Variants in CCDC73 observed in about 807,000 individuals in gnomAD.
The protein encoded by CCDC73 is coiled-coil domain containing 73, also known as coiled-coil domain-containing protein 73.
In CCDC73, 95 loss-of-function variants were observed where a neutral mutation model predicts 116.5. The observed-to-expected ratio is 0.82, with a 90% CI of 0.69 to 0.97. The LOEUF is 0.97. Among genes scored for constraint, CCDC73 ranks in the 50% least tolerant of loss-of-function variants. The pLI, the probability that CCDC73 is intolerant of heterozygous loss-of-function variation, is 0.00. For synonymous variants in CCDC73, 398 were observed against 401.3 expected (o/e 0.99, Z 0.10); for missense variants, 1,066 against 1,206.8 (o/e 0.88, Z 1.73).
Position 32,667,042 on chromosome 11 carries a change from G to A in CCDC73, c.645+8523C>T, listed in dbSNP as rs566824899. On this transcript the variant is annotated intron_variant, in intron 9 of 17. Coordinates refer to ENST00000335185, the MANE Select transcript of CCDC73 (RefSeq NM_001008391.4). ...GAAGCTTCGTCTCAGAGGGGCACAC[G>A]GTCGGCCGTGTGAGGTGTCAGTCTG... Among the ~76,000 whole-genome samples the A allele has an allele frequency of 3.9e-5, 6 of 152,266 alleles. No individual in the cohort carries two copies. The South Asian group carries it at 6.2e-4, about 16-fold the overall frequency.
rs201454870 is a variant in CCDC73, at chr11:32,678,020, T to C, written c.430-1999A>G. On this transcript the variant is annotated intron_variant, in intron 7 of 17. Transcript: ENST00000335185. Reference sequence around the variant, plus strand: ...CAGGCCGAGCACAGTGGCTCAGGCCTGTAATCCCAGCACTTTGGGAGGTGG... The same window carrying C: ...CAGGCCGAGCACAGTGGCTCAGGCCCGTAATCCCAGCACTTTGGGAGGTGG... Among the ~76,000 whole-genome samples the C allele has an allele frequency of 2.0e-5, 3 of 147,124 alleles. No individual in the cohort carries two copies. In the East Asian group the frequency reaches 6.0e-4, roughly 30 times the overall value.
intron 5 of CCDC73, among the ~76,000 whole-genome samples, 186 bp downstream of exon 5, chr11:32,700,605 T>A (rs1460097800): frequency 6.6e-6 from 1 of 152,188 alleles, no homozygotes; most frequent in Non-Finnish European, 1.5e-5. Flanking sequence ...GGAAGTGAAG[T>A]AACATGATTA....
intron 3 of CCDC73, 130 bp downstream of exon 3, chr11:32,717,946 C>T: frequency 1.7e-6 from 1 of 603,382 alleles, no homozygotes; most frequent in South Asian, 2.2e-5. Context: ...ATCAGGAGAA[C>T]AGCATGGGGA....
chr11:32,646,685 A>G (rs761877826), intron 12 of CCDC73, among the ~76,000 whole-genome samples: 1 of 152,198 alleles, frequency 6.6e-6, no homozygotes, highest in Non-Finnish European at 1.5e-5. Flanking sequence ...TCATAATGAT[A>G]TGCATTGGTA....
chr11:32,635,572 G>C, intron 14 of CCDC73, 124 bp downstream of exon 14: 1 of 839,802 alleles, frequency 1.2e-6, no homozygotes, highest in Non-Finnish European at 1.5e-6. Context: ...ATGTATTAGA[G>C]ACCATATGCA....
intron 2 of CCDC73, among the ~76,000 whole-genome samples, chr11:32,721,077 T>A (rs928151001): frequency 2.0e-5 from 3 of 152,186 alleles, no homozygotes; most frequent in African/African-American, 7.2e-5. Context: ...CAGCCTGGAG[T>A]GCAGTGGTGC....
At chr11:32,813,180 T>C in the CCDC73 span, among the ~76,000 whole-genome samples, 1 of 152,210 alleles carries the variant, frequency 6.6e-6, no homozygotes, top group Non-Finnish European at 1.5e-5. Context: ...AGTTTGTCCT[T>C]TGCTGAAAAA....
Position 32,602,984 on chromosome 11 carries a change from T to A in CCDC73, c.3067A>T (p.Ser1023Cys). ...GTCGTCTTGATTGCCTGCAAATGGC[T>A]TTGTAGTGGAGTTGATATCAGAGGC... is the stretch of plus-strand genomic sequence containing the variant. ...TKPLISTPLQ[S>C]HLQAIKTTKN... Residue 1023 changes from serine (S) to cysteine (C), a missense_variant, in exon 18 of 18, where the codon AGC becomes TGC. Coordinates refer to ENST00000335185, the MANE Select transcript of CCDC73 (RefSeq NM_001008391.4). 1.9e-6 allele frequency: 3 copies of A among 1,612,344 alleles called. No individual in the cohort carries two copies. The highest frequency in any genetic ancestry group is 2.5e-6 in the Non-Finnish European group (3 of 1,179,538).
the CCDC73 span, among the ~76,000 whole-genome samples, chr11:32,806,413 C>T: frequency 6.6e-6 from 1 of 151,728 alleles, no homozygotes; most frequent in Non-Finnish European, 1.5e-5. Flanking sequence ...CCCTTGAGCC[C>T]AGGAGTTCAA....
chr11:32,767,825 G>T (rs1173363438), intron 1 of CCDC73, among the ~76,000 whole-genome samples: 7 of 152,206 alleles, frequency 4.6e-5, no homozygotes, highest in Non-Finnish European at 1.0e-4. Context: ...GGAAACAACA[G>T]ATGCTGGAGA....
At position 32,654,071 on chromosome 11, in the gene CCDC73, T is replaced by A. The variant is rs748808718; in HGVS notation, c.775-34A>T. 4.5e-6 allele frequency: 7 copies of A among 1,551,084 alleles called. No individual in the cohort carries two copies. The Admixed American group carries it at 1.3e-4, about 29-fold the overall frequency. On this transcript the variant is annotated intron_variant, in intron 10 of 17. Transcript: ENST00000335185. ...TTTGAATAGTTTTAAAGTTATGATA[T>A]AAAATTCAGCAAATTCTACATTCAA...
At chr11:32,770,286 C>A (rs1194679022) in intron 1 of CCDC73, among the ~76,000 whole-genome samples, 1 of 152,042 alleles carries the variant, frequency 6.6e-6, no homozygotes, top group Non-Finnish European at 1.5e-5. Flanking sequence ...CCTCTTGAAG[C>A]CTACACTGTA....
At chr11:32,781,951 T>C (rs763417381) in intron 1 of CCDC73, among the ~76,000 whole-genome samples, 21 of 152,148 alleles carry the variant, frequency 1.4e-4, no homozygotes, top group Non-Finnish European at 2.9e-4. Context: ...TGAAGCTTCA[T>C]CTGTATTTAC....
At chr11:32,767,564 T>C (rs1299921731) in intron 1 of CCDC73, among the ~76,000 whole-genome samples, 1 of 152,084 alleles carries the variant, frequency 6.6e-6, no homozygotes, top group Non-Finnish European at 1.5e-5. Flanking sequence ...ATTTTTGCAA[T>C]CTACTCATCT....
chr11:32,621,963 C>G (rs990399452), intron 14 of CCDC73, among the ~76,000 whole-genome samples: 5 of 152,138 alleles, frequency 3.3e-5, no homozygotes, highest in African/African-American at 1.2e-4. Context: ...AATGAGAATA[C>G]CATCTCACGC....
the CCDC73 span, among the ~76,000 whole-genome samples, chr11:32,807,315 G>A: frequency 6.6e-6 from 1 of 152,012 alleles, no homozygotes; most frequent in Non-Finnish European, 1.5e-5. Flanking sequence ...TCACTCTTTC[G>A]GCCTGCACCA....
chr11:32,634,801 A>T (rs1855663594), intron 14 of CCDC73, among the ~76,000 whole-genome samples: 1 of 152,204 alleles, frequency 6.6e-6, no homozygotes. Flanking sequence ...AACTTAATTT[A>T]AAAATGAGGT....
At chr11:32,714,971 A>G (rs1849931933) in intron 3 of CCDC73, among the ~76,000 whole-genome samples, 1 of 152,160 alleles carries the variant, frequency 6.6e-6, no homozygotes, top group Admixed American at 6.5e-5. Context: ...ACAAAGTTGA[A>G]TGGTTGTGAC....
At position 32,663,781 on chromosome 11, in the gene CCDC73, G is replaced by A. The variant is rs147056516; in HGVS notation, c.646-8809C>T. On this transcript the variant is annotated intron_variant, in intron 9 of 17. Coordinates refer to ENST00000335185, the MANE Select transcript of CCDC73 (RefSeq NM_001008391.4). ...CCAGTTTTCAAAGGGAATGCTTCGA[G>A]TTTTTGCCCATTCAGTATGATGTTG... Among the ~76,000 whole-genome samples, 537 of 152,292 alleles carry A rather than the reference G, an allele frequency of 3.5e-3. 6 individuals are homozygous for A. Among genetic ancestry groups the A allele is most frequent in the African/African-American group, 0.012 (519 of 41,552 alleles).
Sources: gnomAD v4.1 joint callset for allele counts (sites outside exome capture counted in the v4.1 genomes callset) on GRCh38, gnomAD v4.1.1 for gene constraint, MANE v1.5 for transcripts, NCBI Gene and HGNC (gene_info 2026-07-23, HGNC 2026-07-21) for gene names.